Variants in MCTP1 observed in about 807,000 individuals in gnomAD.
MCTP1 encodes multiple C2 and transmembrane domain-containing protein 1.
A neutral mutation model predicts 120.6 loss-of-function variants in MCTP1; 69 were observed. That is an observed-to-expected ratio of 0.57 (90% CI 0.47 to 0.70). The LOEUF (loss-of-function observed/expected upper bound fraction) is 0.70. MCTP1 is among the 30% of genes least tolerant of loss of function. MCTP1 has a pLI of 0.00. For missense variants in MCTP1, 1,203 were observed against 1,248.8 expected (o/e 0.96, Z 0.55); for synonymous variants, 529 against 493.1 (o/e 1.07, Z -0.96).
chr5:94,707,219 TATC>T lies in MCTP1; in HGVS notation c.*274_*276del, dbSNP rs1313421346. Reference sequence around the variant, plus strand: ...TAGATAAGAATATATCTTCCAGTGTTATCATTCTTATATTTGTTCTTTCAGTGT... The same window carrying T: ...TAGATAAGAATATATCTTCCAGTGTTATTCTTATATTTGTTCTTTCAGTGT... On this transcript the variant is annotated 3_prime_UTR_variant, in exon 23 of 23. Transcript: ENST00000515393. 6 of 301,128 alleles carry T rather than the reference TATC, an allele frequency of 2.0e-5. No individual in the cohort carries two copies. Among genetic ancestry groups the T allele is most frequent in the East Asian group, 6.7e-5 (1 of 14,886 alleles). 18.7% of individuals were successfully genotyped at this position (301,128 alleles called of 1,614,324 possible).
chr5:94,867,410 T>C, intron 17 of MCTP1: 1 of 1,239,130 alleles, frequency 8.1e-7, no homozygotes, highest in Non-Finnish European at 1.1e-6. Context: ...CTCAAAGTAC[T>C]AAACAGATGT....
chr5:95,116,648 T>C (rs1331514372), intron 1 of MCTP1, among the ~76,000 whole-genome samples: 1 of 152,154 alleles, frequency 6.6e-6, no homozygotes, highest in Non-Finnish European at 1.5e-5. Context: ...TTTCACGATA[T>C]TGATTCTTCC....
chr5:95,052,675 C>T (rs1445162512), intron 1 of MCTP1, among the ~76,000 whole-genome samples: 1 of 152,002 alleles, frequency 6.6e-6, no homozygotes, highest in Non-Finnish European at 1.5e-5. Context: ...AGGACTGTGG[C>T]CCTGGTTGGT....
At chr5:95,004,641 G>C (rs983066840) in intron 2 of MCTP1, among the ~76,000 whole-genome samples, 1 of 152,214 alleles carries the variant, frequency 6.6e-6, no homozygotes, top group Non-Finnish European at 1.5e-5. Flanking sequence ...TCAGGCTGCT[G>C]CTACAGAGAG....
chr5:95,230,384 G>A (rs1447929087), intron 1 of MCTP1, among the ~76,000 whole-genome samples: 1 of 152,164 alleles, frequency 6.6e-6, no homozygotes, highest in Non-Finnish European at 1.5e-5. Flanking sequence ...AGGTATGTAA[G>A]TTTCGGGGCT....
At chr5:95,162,850 T>C (rs540666921) in intron 1 of MCTP1, among the ~76,000 whole-genome samples, 2 of 152,266 alleles carry the variant, frequency 1.3e-5, no homozygotes, top group Admixed American at 1.3e-4. Context: ...CAGCAGCTCT[T>C]GGCACTATTT....
chr5:94,757,544 G>A (rs184923365), intron 19 of MCTP1, among the ~76,000 whole-genome samples: 138 of 152,272 alleles, frequency 9.1e-4, no homozygotes, highest in Non-Finnish European at 1.6e-3. Context: ...GGTTTAGAGC[G>A]AAATATATAG....
At chr5:95,055,081 G>C (rs1014045499) in intron 1 of MCTP1, among the ~76,000 whole-genome samples, 1 of 152,082 alleles carries the variant, frequency 6.6e-6, no homozygotes, top group East Asian at 1.9e-4. Flanking sequence ...TAATACACAA[G>C]CTGGAGCTAT....
chr5:94,973,586 G>A (rs1827388438), intron 2 of MCTP1, among the ~76,000 whole-genome samples: 1 of 152,074 alleles, frequency 6.6e-6, no homozygotes, highest in South Asian at 2.1e-4. Context: ...GTACTCAAGT[G>A]CTCAATAAAT....
Position 94,860,822 on chromosome 5 carries a change from C to T in MCTP1, c.2436+7511G>A, listed in dbSNP as rs373668906. Among the ~76,000 whole-genome samples the T allele has an allele frequency of 6.6e-5, 10 of 151,426 alleles. No homozygotes were observed. The East Asian group carries it at 1.6e-3, about 24-fold the overall frequency. ...TCAATATCCCCTGAGAAAATCTTAT[C>T]CCTTAGTATTTAATTTCTCTCAAGT... is the stretch of plus-strand genomic sequence containing the variant. On this transcript the variant is annotated intron_variant, in intron 17 of 22. Transcript: ENST00000515393.
At chr5:94,730,936 TCCAC>T (rs1763003456) in intron 19 of MCTP1, among the ~76,000 whole-genome samples, 1 of 133,344 alleles carries the variant, frequency 7.5e-6, no homozygotes, top group African/African-American at 3.1e-5. Flanking sequence ...ACACACACAC[TCCAC>T]ACACACACAC....
intron 1 of MCTP1, among the ~76,000 whole-genome samples, chr5:95,116,055 A>C: frequency 6.6e-6 from 1 of 152,158 alleles, no homozygotes; most frequent in Non-Finnish European, 1.5e-5. Flanking sequence ...TTACTCTAGA[A>C]AAATGTCCTT....
At chr5:94,931,870 T>C (rs768366131) in intron 6 of MCTP1, 83 bp downstream of exon 6, 18 of 1,031,110 alleles carry the variant, frequency 1.7e-5, no homozygotes, top group African/African-American at 1.6e-5. Flanking sequence ...GTAGCATACT[T>C]TGAAGAGATG....
intron 1 of MCTP1, among the ~76,000 whole-genome samples, chr5:95,271,816 A>AGATG (rs59226298): frequency 4.0e-5 from 6 of 151,738 alleles, no homozygotes; most frequent in East Asian, 1.9e-4. Flanking sequence ...ATAGATAGAT[A>AGATG]TAAAATATTT....
intron 1 of MCTP1, among the ~76,000 whole-genome samples, chr5:95,218,319 C>T (rs959191869): frequency 6.6e-6 from 1 of 152,054 alleles, no homozygotes; most frequent in African/African-American, 2.4e-5. Context: ...CACTACATAC[C>T]CAGTTTCAGG....
intron 2 of MCTP1, among the ~76,000 whole-genome samples, chr5:94,963,673 GT>G (rs1457425671): frequency 6.6e-6 from 1 of 151,854 alleles, no homozygotes; most frequent in Non-Finnish European, 1.5e-5. Flanking sequence ...TTGTTTTTCT[GT>G]TACTGAGTTG....
At chr5:95,251,720 T>G (rs950257448) in intron 1 of MCTP1, among the ~76,000 whole-genome samples, 1 of 152,150 alleles carries the variant, frequency 6.6e-6, no homozygotes, top group Non-Finnish European at 1.5e-5. Flanking sequence ...TAATATATGG[T>G]GCTTACTATT....
chr5:95,153,050 A>G (rs111259347), intron 1 of MCTP1, among the ~76,000 whole-genome samples: 1,988 of 152,302 alleles, frequency 0.013, 42 homozygotes, highest in African/African-American at 0.045. Flanking sequence ...ATGCCATTAT[A>G]GTAATCATTA....
At chr5:95,159,747 G>A (rs1234015549) in intron 1 of MCTP1, among the ~76,000 whole-genome samples, 2 of 151,964 alleles carry the variant, frequency 1.3e-5, no homozygotes, top group Non-Finnish European at 2.9e-5. Context: ...TCTGGAAGAT[G>A]TTCCATACAG....
Sources: gnomAD v4.1 joint callset for allele counts (sites outside exome capture counted in the v4.1 genomes callset) on GRCh38, gnomAD v4.1.1 for gene constraint, MANE v1.5 for transcripts, NCBI Gene and HGNC (gene_info 2026-07-23, HGNC 2026-07-21) for gene names.